Variants in ABCB1 observed in about 807,000 individuals in gnomAD.
ABCB1 encodes the protein ATP binding cassette subfamily B member 1.
In ABCB1, 69 loss-of-function variants were observed where a neutral mutation model predicts 142.0. The ratio of observed to expected loss-of-function variants is 0.49; its 90% confidence interval spans 0.40 to 0.59. ABCB1 has a LOEUF of 0.59. Ranked by LOEUF, ABCB1 falls within the 20% of genes least tolerant of loss-of-function variation. The pLI, the probability that ABCB1 is intolerant of heterozygous loss-of-function variation, is 0.00. For missense variants in ABCB1, 1,326 were observed against 1,554.7 expected (o/e 0.85, Z 2.47); for synonymous variants, 532 against 539.2 (o/e 0.99, Z 0.18).
intron 6 of ABCB1, 126 bp downstream of exon 6, chr7:87,566,659 A>G: frequency 1.0e-6 from 1 of 971,310 alleles, no homozygotes; most frequent in Non-Finnish European, 1.6e-6. Flanking sequence ...GCTGCTTAGA[A>G]GGAATTTTGT....
intron 3 of ABCB1, among the ~76,000 whole-genome samples, chr7:87,595,211 T>G (rs910048301): frequency 6.6e-6 from 1 of 152,258 alleles, no homozygotes; most frequent in Non-Finnish European, 1.5e-5. Context: ...CAATAAGGTT[T>G]TCGAATTCTA....
chr7:87,514,192 G>A (rs969414515), intron 25 of ABCB1, among the ~76,000 whole-genome samples: 26 of 152,272 alleles, frequency 1.7e-4, no homozygotes, highest in Non-Finnish European at 1.8e-4. Flanking sequence ...TGCTACCAGC[G>A]TCCATACACA....
Position 87,549,974 on chromosome 7 carries a change from A to T in ABCB1, c.1431T>A (p.Pro477=). 1 of 1,614,242 alleles carries T rather than the reference A, an allele frequency of 6.2e-7. No individual in the cohort carries two copies. The highest frequency in any genetic ancestry group is 8.5e-7 in the Non-Finnish European group (1 of 1,180,042). Reference sequence around the variant, plus strand: ...CAGCTATCGTGGTGGCAAACAATACAGGTTCCTGACTCACCACACCAATGA... The same window carrying T: ...CAGCTATCGTGGTGGCAAACAATACTGGTTCCTGACTCACCACACCAATGA... ...REIIGVVSQE[P]VLFATTIAEN... The change falls in exon 13 of 28, where the codon CCT becomes CCA. Residue 477 remains proline, a synonymous_variant. Coordinates refer to ENST00000622132, the MANE Select transcript of ABCB1 (RefSeq NM_001348946.2).
At chr7:87,512,890 A>G (rs1815079695) in intron 25 of ABCB1, among the ~76,000 whole-genome samples, 1 of 152,216 alleles carries the variant, frequency 6.6e-6, no homozygotes, top group Non-Finnish European at 1.5e-5. Flanking sequence ...TTACTGTCCT[A>G]TGCACTCAGC....
chr7:87,646,819 G>A (rs1179481461), intron 1 of ABCB1, among the ~76,000 whole-genome samples: 1 of 152,032 alleles, frequency 6.6e-6, no homozygotes, highest in East Asian at 1.9e-4. Context: ...TTTTAAATCT[G>A]TTTTCTCTTT....
chr7:87,562,753 T>C (rs1817613851), intron 7 of ABCB1, among the ~76,000 whole-genome samples: 5 of 147,290 alleles, frequency 3.4e-5, no homozygotes, highest in Admixed American at 2.0e-4. Context: ...GGAGATCATG[T>C]CTGTGAAAAG....
chr7:87,638,602 A>G (rs1822083379), intron 1 of ABCB1, among the ~76,000 whole-genome samples: 2 of 150,770 alleles, frequency 1.3e-5, no homozygotes, highest in South Asian at 4.2e-4. Flanking sequence ...TATTTCATTT[A>G]TATTGTCAAT....
At chr7:87,519,232 T>G in intron 23 of ABCB1, 94 bp downstream of exon 23, 2 of 1,256,076 alleles carry the variant, frequency 1.6e-6, no homozygotes, top group Non-Finnish European at 2.3e-6. Flanking sequence ...AATCTCTTCA[T>G]GAGGCTTCAC....
intron 3 of ABCB1, among the ~76,000 whole-genome samples, chr7:87,593,909 T>C (rs1347980061): frequency 6.6e-6 from 1 of 152,198 alleles, no homozygotes; most frequent in Non-Finnish European, 1.5e-5. Context: ...CCTTTTGTTG[T>C]AATAAACATT....
intron 1 of ABCB1, chr7:87,710,681 A>G (rs1409401211): frequency 3.9e-6 from 5 of 1,297,312 alleles, no homozygotes; most frequent in African/African-American, 1.5e-5. Flanking sequence ...TAATTTTCTA[A>G]TATATATTTG....
intron 1 of ABCB1, among the ~76,000 whole-genome samples, chr7:87,646,455 A>G (rs1823012566): frequency 6.6e-6 from 1 of 152,152 alleles, no homozygotes; most frequent in Non-Finnish European, 1.5e-5. Context: ...GTTTTCAAAT[A>G]TAAGTTTTGG....
At chr7:87,700,061 A>G (rs1422416815) in intron 1 of ABCB1, among the ~76,000 whole-genome samples, 1 of 152,120 alleles carries the variant, frequency 6.6e-6, no homozygotes, top group Non-Finnish European at 1.5e-5. Context: ...GACATTTATT[A>G]ATGCTTAACT....
intron 4 of ABCB1, among the ~76,000 whole-genome samples, chr7:87,580,182 C>A (rs771504900): frequency 6.6e-6 from 1 of 152,112 alleles, no homozygotes; most frequent in Non-Finnish European, 1.5e-5. Flanking sequence ...TCATTAACAT[C>A]ATTTTCTTTC....
At chr7:87,514,467 T>C (rs560011015) in intron 25 of ABCB1, among the ~76,000 whole-genome samples, 2 of 151,946 alleles carry the variant, frequency 1.3e-5, no homozygotes, top group Admixed American at 1.3e-4. Flanking sequence ...CATACTTCCA[T>C]GTTCTTTTTA....
chr7:87,681,273 C>A lies in ABCB1; in HGVS notation c.-331+31888G>T, dbSNP rs555831074. Among the ~76,000 whole-genome samples, 145 of 150,576 alleles carry A rather than the reference C, an allele frequency of 9.6e-4. 7 individuals carry two copies. The Middle Eastern group carries it at 0.01, about 11-fold the overall frequency. ...CAGCCATTAAGGTAATAATAGTAAT[C>A]CTATTCAATCCATCTCAGAAAATAG... is the stretch of plus-strand genomic sequence containing the variant. On this transcript the variant is annotated intron_variant, in intron 1 of 28. Coordinates refer to the ABCB1 transcript ENST00000265724.
At chr7:87,604,100 T>C (rs191874238), upstream of ABCB1, among the ~76,000 whole-genome samples, 1 of 152,350 alleles carries the variant, frequency 6.6e-6, no homozygotes, top group Admixed American at 6.5e-5. Flanking sequence ...ATTATGAGTA[T>C]TAACAACACA....
At chr7:87,579,446 TTCA>T (rs1818416400) in intron 4 of ABCB1, among the ~76,000 whole-genome samples, 2 of 152,208 alleles carry the variant, frequency 1.3e-5, no homozygotes, top group Admixed American at 6.5e-5. Flanking sequence ...CAAAGGCCTT[TTCA>T]TCATCAACTG....
Position 87,546,110 on chromosome 7 carries a change from G to C in ABCB1, c.1726-86C>G, listed in dbSNP as rs1584866882. 19 of 1,364,646 alleles carry C rather than the reference G, an allele frequency of 1.4e-5. No homozygotes were observed. The South Asian group carries it at 2.2e-4, about 16-fold the overall frequency. The allele number at this position is 1,364,646 out of a possible 1,614,324, so 84.5% of individuals were successfully genotyped here. ...TTCAACATATATTTACTGAACCAAT[G>C]CTGTGGGCATTGTAAAACCATCAAA... On this transcript the variant is annotated intron_variant, in intron 14 of 27. Transcript: ENST00000622132.
intron 1 of ABCB1, among the ~76,000 whole-genome samples, chr7:87,694,793 G>T (rs1299567513): frequency 6.6e-6 from 1 of 152,178 alleles, no homozygotes; most frequent in Non-Finnish European, 1.5e-5. Flanking sequence ...ATTTCAGAGA[G>T]AGTAAAATTA....
Sources: allele counts gnomAD v4.1 joint callset (sites outside exome capture counted in the v4.1 genomes callset), GRCh38; gene constraint gnomAD v4.1.1; transcripts MANE v1.5; gene names NCBI Gene and HGNC (gene_info 2026-07-23, HGNC 2026-07-21).